TEX2: variants seen among roughly 807,000 people sequenced by gnomAD.
TEX2 encodes testis expressed 2, also known as testis-expressed protein 2.
Under a neutral mutation model 106.9 loss-of-function variants are expected in TEX2, and 53 were observed. The observed-to-expected ratio is 0.50, with a 90% CI of 0.40 to 0.62. TEX2 has a LOEUF of 0.62. TEX2 is among the 20% of genes least tolerant of loss of function. The pLI is 0.00. For missense variants in TEX2, 1,207 were observed against 1,379.0 expected (o/e 0.88, Z 1.98); for synonymous variants, 523 against 534.8 (o/e 0.98, Z 0.30).
chr17:64,212,733 C>T lies in TEX2; in HGVS notation c.1485G>A (p.Val495=), dbSNP rs782544726. ...VYLILPLPHY[V]SGLFLGIGLG... is the part of the protein sequence containing the mutation. ...GGCCAATTCCCAGAAAGAGTCCACT[C>T]ACATAGTGGGGGAGGGGGAGGATGA... is the stretch of plus-strand genomic sequence containing the variant. Residue 495 remains valine, a synonymous_variant, in exon 2 of 12, where the codon GTG becomes GTA. Coordinates refer to ENST00000584379, the MANE Select transcript of TEX2 (RefSeq NM_001288732.2). 8.1e-5 allele frequency: 131 copies of T among 1,614,046 alleles called. No homozygotes were observed. The highest frequency in any genetic ancestry group is 1.1e-4 in the Non-Finnish European group (131 of 1,180,042).
At chr17:64,219,542 T>TAAAAC (rs1219157912) in intron 1 of TEX2, among the ~76,000 whole-genome samples, 4 of 150,472 alleles carry the variant, frequency 2.7e-5, no homozygotes, top group Non-Finnish European at 5.9e-5. Context: ...TAAAATAAAA[T>TAAAAC]AAAATAAAAT....
chr17:64,177,192 T>G (rs991214800), intron 6 of TEX2, 133 bp downstream of exon 6: 13 of 969,012 alleles, frequency 1.3e-5, no homozygotes, highest in African/African-American at 1.6e-5. Context: ...TCAGATGTGC[T>G]GTTTGAGAAC....
rs1373034750 is a variant in TEX2, at chr17:64,213,214, T to A, written c.1004A>T (p.Asn335Ile). 9 of 1,614,098 alleles carry A rather than the reference T, an allele frequency of 5.6e-6. No homozygotes were observed. In the African/African-American group the frequency reaches 1.2e-4, roughly 22 times the overall value. The part of the protein sequence containing the change: ...ASELSNLSSL[N>I]GHLESNNNYS... The stretch of plus-strand genomic sequence containing the variant: ...GTTGTTATTGCTTTCCAAGTGCCCA[T>A]TCAAGCTGGACAGATTGGAGAGTTC... The change falls in exon 2 of 12, where the codon AAT (asparagine) becomes ATT (isoleucine). Residue 335 changes from asparagine (N) to isoleucine (I), a missense_variant. Physicochemically the swap from Asn to Ile is moderately radical, Grantham distance 149. Coordinates refer to ENST00000584379, the MANE Select transcript of TEX2 (RefSeq NM_001288732.2). This position sits in a 1 kb window ranked among gnomAD's most constrained non-coding sequence, Gnocchi z 4.4.
intron 1 of TEX2, among the ~76,000 whole-genome samples, chr17:64,219,821 T>C (rs1433813631): frequency 2.0e-5 from 3 of 152,206 alleles, no homozygotes; most frequent in African/African-American, 7.2e-5. Context: ...AGGGACGTGG[T>C]ACACAGGTAA....
chr17:64,176,043 T>C (rs1324372349), intron 6 of TEX2, among the ~76,000 whole-genome samples: 1 of 152,162 alleles, frequency 6.6e-6, no homozygotes, highest in Non-Finnish European at 1.5e-5. Flanking sequence ...CTACTTGTTG[T>C]CTCCTGCTAT....
chr17:64,251,220 G>A (rs2034085378), intron 1 of TEX2, among the ~76,000 whole-genome samples: 1 of 152,176 alleles, frequency 6.6e-6, no homozygotes, highest in Non-Finnish European at 1.5e-5. Flanking sequence ...ACAGATACCA[G>A]AGCCCCTCCC....
Position 64,177,224 on chromosome 17 carries a change from C to T in TEX2, c.2571+101G>A, listed in dbSNP as rs139628886. 2.3e-4 allele frequency: 331 copies of T among 1,424,102 alleles called. No homozygotes were observed. The African/African-American group carries it at 3.3e-3, about 14-fold the overall frequency. The allele number at this position is 1,424,102 out of a possible 1,614,324, so 88.2% of individuals were successfully genotyped here. A position where few individuals can be genotyped will look rare whatever the true frequency, so the allele number is the denominator to read the frequency against. ...GAACTTACTACCCTCATATGTTATA[C>T]GTTTAAACCAAATTATTTTTCACTT... On this transcript the variant is annotated intron_variant, in intron 6 of 11. Coordinates refer to ENST00000584379, the MANE Select transcript of TEX2 (RefSeq NM_001288732.2).
intron 1 of TEX2, among the ~76,000 whole-genome samples, chr17:64,227,234 A>AAG (rs1555633999): frequency 6.6e-6 from 1 of 151,830 alleles, no homozygotes; most frequent in East Asian, 1.9e-4. Flanking sequence ...CAAAAAAAAA[A>AAG]AAAAAGAAAA....
At chr17:64,258,737 A>G (rs2034232385) in intron 1 of TEX2, among the ~76,000 whole-genome samples, 1 of 150,660 alleles carries the variant, frequency 6.6e-6, no homozygotes, top group Non-Finnish European at 1.5e-5. Context: ...GCACTAAGAA[A>G]TCAACTCTTC....
chr17:64,250,488 G>A (rs1178508835), intron 1 of TEX2, among the ~76,000 whole-genome samples: 3 of 152,156 alleles, frequency 2.0e-5, no homozygotes, highest in African/African-American at 7.2e-5. Context: ...GCTCTCAGAT[G>A]TAAAATTATC....
intron 4 of TEX2, among the ~76,000 whole-genome samples, chr17:64,191,839 A>G (rs1192564554): frequency 1.9e-5 from 2 of 103,912 alleles, no homozygotes; most frequent in Non-Finnish European, 4.4e-5. Context: ...AAAAAAAAAA[A>G]AAAAGAAAGA....
intron 1 of TEX2, among the ~76,000 whole-genome samples, chr17:64,244,711 C>A (rs924362785): frequency 6.6e-6 from 1 of 152,148 alleles, no homozygotes; most frequent in Admixed American, 6.5e-5. Context: ...TTTTCAACAT[C>A]CTGTAAGAAT....
rs556617662 is a variant in TEX2, at chr17:64,185,180, T to C, written c.2424+2988A>G. ...GTAGTAATAAGGACAGGACTCTCCA[T>C]ACCGGGGTGGCATATGTTAATATTA... On this transcript the variant is annotated intron_variant, in intron 5 of 11. Coordinates refer to ENST00000584379, the MANE Select transcript of TEX2 (RefSeq NM_001288732.2). This position sits in a 1 kb window ranked among gnomAD's most constrained non-coding sequence, Gnocchi z 4.0. Among the ~76,000 whole-genome samples, 69 of 152,240 alleles carry C rather than the reference T, an allele frequency of 4.5e-4. No homozygotes were observed. Among genetic ancestry groups the C allele is most frequent in the Admixed American group, 8.5e-4 (13 of 15,290 alleles).
rs755736755 is a variant in TEX2, at chr17:64,213,635, G to A, written c.583C>T (p.Leu195=). The A allele has an allele frequency of 5.6e-6, 9 of 1,614,022 alleles. No homozygotes were observed. The highest frequency in any genetic ancestry group is 1.1e-5 in the South Asian group (1 of 91,088). ...AKPFMSLVKS[L]STEVEPKESP... ...TCTTTTGGCTCCACCTCGGTCGACA[G>A]GGACTTCACAAGGCTCATGAAGGGT... Residue 195 remains leucine (L), a synonymous_variant, in exon 2 of 12, where the codon CTG becomes TTG. Coordinates refer to ENST00000584379, the MANE Select transcript of TEX2 (RefSeq NM_001288732.2). The surrounding 1 kb of genome is among the most constrained non-coding windows in gnomAD (Gnocchi z 4.4).
intron 1 of TEX2, among the ~76,000 whole-genome samples, chr17:64,254,456 A>G (rs1440017457): frequency 1.3e-5 from 2 of 152,322 alleles, no homozygotes; most frequent in Non-Finnish European, 1.5e-5. Flanking sequence ...GGAACTATTT[A>G]AATTAAAATT....
Position 64,212,738 on chromosome 17 carries a change from A to C in TEX2, c.1480T>G (p.Tyr494Asp). 1.9e-6 allele frequency: 3 copies of C among 1,614,136 alleles called. No homozygotes were observed. The highest frequency in any genetic ancestry group is 2.5e-6 in the Non-Finnish European group (3 of 1,180,022). ...YVYLILPLPH[Y>D]VSGLFLGIGL... is the part of the protein sequence containing the mutation. ...ATTCCCAGAAAGAGTCCACTCACATAGTGGGGGAGGGGGAGGATGAGGTAC... is the reference window on the plus strand; with the variant it reads ...ATTCCCAGAAAGAGTCCACTCACATCGTGGGGGAGGGGGAGGATGAGGTAC... The change falls in exon 2 of 12, where the codon TAT becomes GAT. Residue 494 changes from tyrosine (Y) to aspartate (D), a missense_variant. By Grantham distance (160) the Tyr-to-Asp change is radical. Coordinates refer to ENST00000584379, the MANE Select transcript of TEX2 (RefSeq NM_001288732.2).
rs568128661 is a variant in TEX2, at chr17:64,177,871, A to G, written c.2425-400T>C. Reference sequence around the variant, plus strand: ...ACGTGTAATTGTCAAGCTGGTGCTCATCCGGGCAGACGCCACAGTTCCCCA... The same window carrying G: ...ACGTGTAATTGTCAAGCTGGTGCTCGTCCGGGCAGACGCCACAGTTCCCCA... On this transcript the variant is annotated intron_variant, in intron 5 of 11. Coordinates refer to ENST00000584379, the MANE Select transcript of TEX2 (RefSeq NM_001288732.2). 2.6e-5 allele frequency among the ~76,000 whole-genome samples: 4 copies of G among 152,322 alleles called. No individual in the cohort carries two copies. In the South Asian group the frequency reaches 8.3e-4, roughly 32 times the overall value.
chr17:64,239,869 C>G (rs1227552841), intron 1 of TEX2, among the ~76,000 whole-genome samples: 4 of 80,424 alleles, frequency 5.0e-5, no homozygotes, highest in Non-Finnish European at 8.3e-5. Context: ...GAGTGAGACT[C>G]TGTCTCAAAA....
At position 64,148,195 on chromosome 17, in the gene TEX2, G is replaced by A. The variant is rs1261032448; in HGVS notation, c.*774C>T. ...CTTTCTAACCCCATCCCATCTGTATGAGAGGACCCATCCTGTCATGTGCAG... is the reference window on the plus strand; with the variant it reads ...CTTTCTAACCCCATCCCATCTGTATAAGAGGACCCATCCTGTCATGTGCAG... On this transcript the variant is annotated 3_prime_UTR_variant, in exon 12 of 12. Coordinates refer to ENST00000584379, the MANE Select transcript of TEX2 (RefSeq NM_001288732.2). The A allele has an allele frequency of 1.3e-5, 2 of 152,616 alleles. No homozygotes were observed. Among genetic ancestry groups the A allele is most frequent in the Admixed American group, 1.3e-4 (2 of 15,276 alleles). The allele number at this position is 152,616 out of a possible 1,614,324, so 9.5% of individuals were successfully genotyped here.
Sources: allele counts gnomAD v4.1 joint callset (sites outside exome capture counted in the v4.1 genomes callset), GRCh38; gene constraint gnomAD v4.1.1; non-coding constraint Gnocchi (gnomAD v3.1); transcripts MANE v1.5; gene names NCBI Gene and HGNC (gene_info 2026-07-23, HGNC 2026-07-21).